Variants in ZHX3 observed in about 807,000 individuals in gnomAD.
ZHX3 encodes the protein zinc fingers and homeoboxes 3.
A neutral mutation model predicts 64.5 loss-of-function variants in ZHX3; 20 were observed. The observed-to-expected ratio is 0.31, with a 90% confidence interval of 0.22 to 0.45. The LOEUF is 0.45. Among genes scored for constraint, ZHX3 ranks in the 20% least tolerant of loss-of-function variants. The pLI, the probability that ZHX3 is intolerant of heterozygous loss-of-function variation, is 1.00. For synonymous variants in ZHX3, 423 were observed against 461.6 expected (o/e 0.92, Z 1.07); for missense variants, 1,041 against 1,195.8 (o/e 0.87, Z 1.91).
rs2038197612 is a variant in ZHX3, at chr20:41,201,290, G to A, written c.2860+767C>T. ...CTCCGCCCTCCTGGCTCTCACCTGAGCTTCTGGCTGCCCTCTGATGGGGTC... is the reference window on the plus strand; with the variant it reads ...CTCCGCCCTCCTGGCTCTCACCTGAACTTCTGGCTGCCCTCTGATGGGGTC... On this transcript the variant is annotated intron_variant, in intron 3 of 3. Coordinates refer to ENST00000683867, the MANE Select transcript of ZHX3 (RefSeq NM_001384317.1). This position sits in a 1 kb window ranked among gnomAD's most constrained non-coding sequence, Gnocchi z 5.0. 7.7e-7 allele frequency: 1 copy of A among 1,302,676 alleles called. No homozygotes were observed. The highest frequency in any genetic ancestry group is 1.0e-6 in the Non-Finnish European group (1 of 988,488). 80.7% of individuals were successfully genotyped at this position (1,302,676 alleles called of 1,614,324 possible). A position where few individuals can be genotyped will look rare whatever the true frequency, so the allele number is the denominator to read the frequency against.
chr20:41,218,923 G>GTTTTTTTTTT (rs888061526), intron 2 of ZHX3, among the ~76,000 whole-genome samples: 3 of 92,576 alleles, frequency 3.2e-5, no homozygotes, highest in African/African-American at 1.3e-4. Flanking sequence ...AAACAGTGCT[G>GTTTTTTTTTT]TTTTTTTTTT....
chr20:41,204,678 T>C lies in ZHX3; in HGVS notation c.239A>G (p.Lys80Arg). 1.9e-6 allele frequency: 3 copies of C among 1,614,226 alleles called. No homozygotes were observed. Among genetic ancestry groups the C allele is most frequent in the Non-Finnish European group, 2.5e-6 (3 of 1,180,044 alleles). ...STLDGYLYSC[K>R]YCDFRSHDMT... is the part of the protein sequence containing the mutation. ...GTCATGGGATCTGAAATCGCAGTAT[T>C]TACAGGAATATAAATAGCCATCTAA... Residue 80 changes from lysine to arginine, a missense_variant, in exon 3 of 4, where the codon AAA becomes AGA. This residue lies in a region of ZHX3 where 358 missense variants were observed against 369.1 expected (regional missense o/e 0.97). Coordinates refer to ENST00000683867, the MANE Select transcript of ZHX3 (RefSeq NM_001384317.1). The surrounding 1 kb of genome is among the most constrained non-coding windows in gnomAD (Gnocchi z 6.6).
chr20:41,245,134 C>G (rs1372752371), intron 2 of ZHX3, among the ~76,000 whole-genome samples: 1 of 152,210 alleles, frequency 6.6e-6, no homozygotes, highest in African/African-American at 2.4e-5. Flanking sequence ...AGTGTCAATT[C>G]TGGGCAAGGC....
intron 1 of ZHX3, among the ~76,000 whole-genome samples, chr20:41,311,367 A>G (rs775906573): frequency 4.6e-5 from 7 of 152,234 alleles, no homozygotes; most frequent in Non-Finnish European, 7.3e-5. Context: ...AGACTTAGAC[A>G]TGTAATTTTC....
chr20:41,257,072 T>C (rs1354787841), intron 2 of ZHX3, among the ~76,000 whole-genome samples: 2 of 152,122 alleles, frequency 1.3e-5, no homozygotes, highest in South Asian at 2.1e-4. Context: ...GTGCTTCAGG[T>C]TGGCTGCTTC....
chr20:41,252,013 T>G lies in ZHX3; in HGVS notation c.-151+16977A>C, dbSNP rs565778829. Among the ~76,000 whole-genome samples the G allele has an allele frequency of 1.1e-4, 16 of 152,314 alleles. No homozygotes were observed. The East Asian group carries it at 2.9e-3, about 28-fold the overall frequency. The stretch of plus-strand genomic sequence containing the variant: ...ATGGCTTTTATAACTTAAAAAATGT[T>G]GTTTTTTCCAAATAAAGCAGTCTAT... On this transcript the variant is annotated intron_variant, in intron 2 of 3. Transcript: ENST00000683867.
chr20:41,315,037 T>C (rs1347011636), intron 1 of ZHX3, among the ~76,000 whole-genome samples: 1 of 151,976 alleles, frequency 6.6e-6, no homozygotes, highest in Non-Finnish European at 1.5e-5. Flanking sequence ...AACAGGGAAA[T>C]GGGGTGTATT....
chr20:41,196,400 TA>T (rs1383096874), intron 3 of ZHX3, among the ~76,000 whole-genome samples: 3 of 22,530 alleles, frequency 1.3e-4, no homozygotes, highest in African/African-American at 8.7e-4. Context: ...TATTTATATA[TA>T]TTATATATTA....
chr20:41,256,316 C>T (rs983971020), intron 2 of ZHX3, among the ~76,000 whole-genome samples: 7 of 151,984 alleles, frequency 4.6e-5, no homozygotes, highest in South Asian at 2.1e-4. Context: ...ATAACTGTTG[C>T]TGAGAAATAC....
At position 41,219,235 on chromosome 20, in the gene ZHX3, C is replaced by T. The variant is rs1364483247; in HGVS notation, c.-150-14169G>A. ...TCAGCCACCGCACCTGGCCTTCCCC[C>T]TCAACTCTTATTTTTGTCTAATCAC... On this transcript the variant is annotated intron_variant, in intron 2 of 3. Coordinates refer to ENST00000683867, the MANE Select transcript of ZHX3 (RefSeq NM_001384317.1). This position sits in a 1 kb window ranked among gnomAD's most constrained non-coding sequence, Gnocchi z 5.0. 6.6e-6 allele frequency among the ~76,000 whole-genome samples: 1 copy of T among 152,122 alleles called. No homozygotes were observed. The highest frequency in any genetic ancestry group is 1.5e-5 in the Non-Finnish European group (1 of 68,008).
intron 1 of ZHX3, among the ~76,000 whole-genome samples, chr20:41,306,071 G>C (rs1463071546): frequency 6.6e-6 from 1 of 152,008 alleles, no homozygotes; most frequent in Non-Finnish European, 1.5e-5. Context: ...TTAAATCTAC[G>C]ACTTTAAAGA....
rs542663399 is a variant in ZHX3 at position 41,265,568 on chromosome 20, T to C, written c.-151+3422A>G. ...GAAAAACTTATAGTATTCCTGGTCC[T>C]CAAGCTTGAGTGCACATGAAATTCA... On this transcript the variant is annotated intron_variant, in intron 2 of 3. Coordinates refer to ENST00000683867, the MANE Select transcript of ZHX3 (RefSeq NM_001384317.1). Among the ~76,000 whole-genome samples, 118 of 152,252 alleles carry C rather than the reference T, an allele frequency of 7.8e-4. 2 individuals are homozygous for C. Among genetic ancestry groups the C allele is most frequent in the African/African-American group, 2.8e-3 (116 of 41,556 alleles).
At chr20:41,235,338 A>G (rs999045388) in intron 2 of ZHX3, among the ~76,000 whole-genome samples, 5 of 152,192 alleles carry the variant, frequency 3.3e-5, no homozygotes, top group African/African-American at 1.2e-4. Context: ...TTTTAGACCA[A>G]TATCCCTGAT....
chr20:41,222,831 G>C (rs1211911317), intron 2 of ZHX3, among the ~76,000 whole-genome samples: 2 of 151,380 alleles, frequency 1.3e-5, no homozygotes, highest in East Asian at 1.9e-4. Flanking sequence ...AAATTTTCCA[G>C]TGTGGGCCAG....
chr20:41,223,340 T>C (rs1027167077), intron 2 of ZHX3, among the ~76,000 whole-genome samples: 1 of 152,194 alleles, frequency 6.6e-6, no homozygotes, highest in Non-Finnish European at 1.5e-5. Flanking sequence ...CTTTGCACAA[T>C]GGTAAGTCAT....
chr20:41,237,205 C>T (rs1186285020), intron 2 of ZHX3, among the ~76,000 whole-genome samples: 6 of 152,152 alleles, frequency 3.9e-5, no homozygotes, highest in Non-Finnish European at 7.3e-5. Context: ...GTCAGTGTGG[C>T]GATTCCTCAG....
chr20:41,211,852 T>A (rs2146286589), intron 2 of ZHX3, among the ~76,000 whole-genome samples: 2 of 152,306 alleles, frequency 1.3e-5, no homozygotes, highest in Middle Eastern at 6.8e-3. Flanking sequence ...TCAAAGAGCA[T>A]CAACATTTCT....
intron 1 of ZHX3, among the ~76,000 whole-genome samples, chr20:41,272,867 T>C (rs1006674352): frequency 2.0e-5 from 3 of 152,180 alleles, no homozygotes; most frequent in African/African-American, 7.2e-5. Context: ...CTGATACTTG[T>C]TTTCAATTAC....
intron 2 of ZHX3, among the ~76,000 whole-genome samples, chr20:41,208,999 G>C (rs6102304): frequency 0.081 from 12,369 of 152,122 alleles, 1,682 homozygotes; most frequent in African/African-American, 0.28. Flanking sequence ...AAAGTCTCAG[G>C]ATACAAAATC....
Sources: gnomAD v4.1 joint callset for allele counts (sites outside exome capture counted in the v4.1 genomes callset) on GRCh38, gnomAD v4.1.1 for gene constraint, gnomAD v4.1.1 regional missense constraint, Gnocchi (gnomAD v3.1) non-coding constraint, MANE v1.5 for transcripts, NCBI Gene and HGNC (gene_info 2026-07-23, HGNC 2026-07-21) for gene names.